Variants in E2F5 observed in about 807,000 individuals in gnomAD.
The protein encoded by E2F5 is E2F transcription factor 5.
E2F5 carries 23 observed loss-of-function variants against 39.1 expected under a neutral mutation model. That is an observed-to-expected ratio of 0.59 (90% confidence interval 0.42 to 0.83). E2F5 has a LOEUF of 0.83. Among genes scored for constraint, E2F5 ranks in the 40% least tolerant of loss-of-function variants. E2F5 has a pLI of 0.00. For missense variants in E2F5, 365 were observed against 406.7 expected (o/e 0.90, Z 0.88); for synonymous variants, 145 against 157.8 (o/e 0.92, Z 0.61).
In E2F5 at chr8:85,181,961, C is replaced by CA. The variant is rs35223016; in HGVS notation, c.234+4319dup. 6.2e-3 allele frequency among the ~76,000 whole-genome samples: 910 copies of CA among 145,746 alleles called. 9 individuals carry two copies. The highest frequency in any genetic ancestry group is 0.02 in the African/African-American group (778 of 39,844). On this transcript the variant is annotated intron_variant, in intron 1 of 7. Coordinates refer to ENST00000416274, the MANE Select transcript of E2F5 (RefSeq NM_001951.4). ...GGGCGACAAGAGCGAAACTGTGTCTCAAAAAAAAAAAACATGGCTCAACAT... is the reference window on the plus strand; with the variant it reads ...GGGCGACAAGAGCGAAACTGTGTCTCAAAAAAAAAAAAACATGGCTCAACAT...
At position 85,178,369 on chromosome 8, in the gene E2F5, G is replaced by A. The variant is rs186143609; in HGVS notation, c.234+715G>A. On this transcript the variant is annotated intron_variant, in intron 1 of 7. Coordinates refer to ENST00000416274, the MANE Select transcript of E2F5 (RefSeq NM_001951.4). Reference sequence around the variant, plus strand: ...ATATTTTACAACTTTCACCCAAAGAGGTGGAAGTGCTCAGTAAACTCTCTC... The same window carrying A: ...ATATTTTACAACTTTCACCCAAAGAAGTGGAAGTGCTCAGTAAACTCTCTC... 3.3e-4 allele frequency among the ~76,000 whole-genome samples: 50 copies of A among 152,186 alleles called. No individual in the cohort carries two copies. In the East Asian group the frequency reaches 8.1e-3, roughly 25 times the overall value.
At chr8:85,184,913 A>G (rs1050641653) in intron 1 of E2F5, among the ~76,000 whole-genome samples, 1 of 152,220 alleles carries the variant, frequency 6.6e-6, no homozygotes, top group Non-Finnish European at 1.5e-5. Context: ...GGAAGAATCA[A>G]TATCATGAAC....
intron 1 of E2F5, among the ~76,000 whole-genome samples, chr8:85,183,822 C>T (rs1486562914): frequency 2.0e-5 from 3 of 152,236 alleles, no homozygotes; most frequent in Non-Finnish European, 2.9e-5. Context: ...TGTTGAAGGC[C>T]TTACCTCCAT....
At chr8:85,192,417 GA>G (rs1437222931) in intron 1 of E2F5, among the ~76,000 whole-genome samples, 1 of 152,150 alleles carries the variant, frequency 6.6e-6, no homozygotes, top group Non-Finnish European at 1.5e-5. Context: ...TTTATGTAAG[GA>G]AAATGGTTTT....
At chr8:85,183,397 C>T (rs1044415663) in intron 1 of E2F5, among the ~76,000 whole-genome samples, 1 of 152,194 alleles carries the variant, frequency 6.6e-6, no homozygotes, top group African/African-American at 2.4e-5. Flanking sequence ...CCTTCCACTC[C>T]TGGGTGTATA....
intron 1 of E2F5, 177 bp downstream of exon 1, chr8:85,177,831 A>C: frequency 1.9e-6 from 2 of 1,061,090 alleles, no homozygotes; most frequent in Non-Finnish European, 2.3e-6. Flanking sequence ...GGGATGGGGG[A>C]GGGACGAGGG....
At chr8:85,212,389 T>A in intron 7 of E2F5, 185 bp downstream of exon 7, 1 of 545,576 alleles carries the variant, frequency 1.8e-6, no homozygotes. Flanking sequence ...TTTTCTTTGC[T>A]TGCATTTTGA....
At chr8:85,205,030 A>G (rs1812772843) in intron 3 of E2F5, among the ~76,000 whole-genome samples, 1 of 152,178 alleles carries the variant, frequency 6.6e-6, no homozygotes, top group South Asian at 2.1e-4. Context: ...TACTAAAAGT[A>G]CAAAAACTAG....
intron 5 of E2F5, 116 bp from the exon 6 acceptor site, chr8:85,209,023 TTTA>T (rs1049719183): frequency 1.2e-5 from 12 of 1,042,734 alleles, no homozygotes; most frequent in East Asian, 2.5e-5. Flanking sequence ...ACTTAATGAC[TTTA>T]TTGTGTTATG....
At chr8:85,195,282 C>T (rs1812557195) in intron 1 of E2F5, among the ~76,000 whole-genome samples, 1 of 151,922 alleles carries the variant, frequency 6.6e-6, no homozygotes, top group African/African-American at 2.4e-5. Context: ...ACTCAGGAGG[C>T]TGAGGCAGGA....
In E2F5 at chr8:85,177,394, G is replaced by C. The variant is rs909599402; in HGVS notation, c.-27G>C. The C allele has an allele frequency of 2.0e-6, 2 of 987,048 alleles. No individual in the cohort carries two copies. Among genetic ancestry groups the C allele is most frequent in the Non-Finnish European group, 2.4e-6 (2 of 832,060 alleles). 61.1% of individuals were successfully genotyped at this position (987,048 alleles called of 1,614,324 possible). Reference sequence around the variant, plus strand: ...GGCCGGCGAGCGAAAGTGCGCGGGGGCCCGACCACCGCGGGGCCGGGACGC... The same window carrying C: ...GGCCGGCGAGCGAAAGTGCGCGGGGCCCCGACCACCGCGGGGCCGGGACGC... On this transcript the variant is annotated 5_prime_UTR_variant, in exon 1 of 8. Coordinates refer to ENST00000416274, the MANE Select transcript of E2F5 (RefSeq NM_001951.4).
In E2F5 at chr8:85,181,353, G is replaced by A. The variant is rs1234757459; in HGVS notation, c.234+3699G>A. On this transcript the variant is annotated intron_variant, in intron 1 of 7. Transcript: ENST00000416274. ...CACATTTCTTCTTTTTTTTTGAGAC[G>A]GGAGTCTCACTCTGTCACCCAAGCT... 6.0e-5 allele frequency among the ~76,000 whole-genome samples: 9 copies of A among 151,062 alleles called. No homozygotes were observed. The East Asian group carries it at 1.0e-3, about 17-fold the overall frequency.
In E2F5 at chr8:85,202,233, G is replaced by A. The variant is rs1445775515; in HGVS notation, c.321G>A (p.Lys107=). The change falls in exon 2 of 8, where the codon AAG becomes AAA. Residue 107 remains lysine, a synonymous_variant. Coordinates refer to ENST00000416274, the MANE Select transcript of E2F5 (RefSeq NM_001951.4). ...AGGGAATTGACTTGATTGAAAAAAA[G>A]TCAAAAAACAGTATCCAGTGGAAGT... is the stretch of plus-strand genomic sequence containing the variant. ...VLEGIDLIEK[K]SKNSIQWKGV... is the part of the protein sequence containing the mutation. The A allele has an allele frequency of 3.1e-6, 5 of 1,610,052 alleles. No homozygotes were observed. The highest frequency in any genetic ancestry group is 2.7e-5 in the African/African-American group (2 of 74,830).
intron 1 of E2F5, among the ~76,000 whole-genome samples, chr8:85,184,599 T>C (rs570042473): frequency 2.0e-5 from 3 of 152,322 alleles, no homozygotes; most frequent in African/African-American, 7.2e-5. Context: ...GATGACATGA[T>C]TGTATATTTA....
intron 3 of E2F5, among the ~76,000 whole-genome samples, chr8:85,203,849 T>C (rs1204852280): frequency 1.4e-5 from 2 of 147,994 alleles, no homozygotes; most frequent in African/African-American, 4.9e-5. Context: ...AAAATATATT[T>C]ATATATAATA....
intron 1 of E2F5, among the ~76,000 whole-genome samples, chr8:85,194,897 C>T (rs184776797): frequency 1.3e-5 from 2 of 151,186 alleles, no homozygotes; most frequent in East Asian, 3.9e-4. Context: ...AATACCACAC[C>T]CGGCTATGCC....
intron 1 of E2F5, among the ~76,000 whole-genome samples, chr8:85,183,448 C>T (rs2136040591): frequency 6.6e-6 from 1 of 152,260 alleles, no homozygotes; most frequent in Middle Eastern, 3.4e-3. Context: ...GGTATGTATA[C>T]CCCTGTGTTC....
chr8:85,179,167 A>G (rs1044786797), intron 1 of E2F5, among the ~76,000 whole-genome samples: 2 of 152,230 alleles, frequency 1.3e-5, no homozygotes, highest in Non-Finnish European at 2.9e-5. Flanking sequence ...GAAAGCCAGG[A>G]ATGTTACAAA....
chr8:85,180,706 T>G (rs1812193948), intron 1 of E2F5, among the ~76,000 whole-genome samples: 2 of 147,682 alleles, frequency 1.4e-5, no homozygotes, highest in South Asian at 4.3e-4. Context: ...GCCTCCCGAG[T>G]AGCTGGGACT....
Sources: gnomAD v4.1 joint callset for allele counts (sites outside exome capture counted in the v4.1 genomes callset) on GRCh38, gnomAD v4.1.1 for gene constraint, MANE v1.5 for transcripts, NCBI Gene and HGNC (gene_info 2026-07-23, HGNC 2026-07-21) for gene names.